ZBTB20: variants seen among roughly 807,000 people sequenced by gnomAD.
The protein encoded by ZBTB20 is zinc finger and BTB domain containing 20, also known as zinc finger and BTB domain-containing protein 20.
ZBTB20 carries 9 observed loss-of-function variants against 56.9 expected under a neutral mutation model. The ratio of observed to expected loss-of-function variants is 0.16; its 90% CI spans 0.10 to 0.28. The LOEUF (loss-of-function observed/expected upper bound fraction) is 0.28. ZBTB20 is among the 10% of genes least tolerant of loss of function. ZBTB20 has a pLI of 1.00. For synonymous variants in ZBTB20, 417 were observed against 420.7 expected, an observed-to-expected ratio of 0.99 and a Z score of 0.11; for missense variants, 655 against 1,003.0, an observed-to-expected ratio of 0.65 and a Z score of 4.69.
intron 6 of ZBTB20, among the ~76,000 whole-genome samples, chr3:114,583,840 T>C (rs2054903155): frequency 6.6e-6 from 1 of 152,262 alleles, no homozygotes; most frequent in Non-Finnish European, 1.5e-5. Flanking sequence ...AATGAGACTG[T>C]CTTTGTTTAA....
intron 2 of ZBTB20, among the ~76,000 whole-genome samples, chr3:115,040,689 A>C (rs2108388402): frequency 6.6e-6 from 1 of 152,244 alleles, no homozygotes; most frequent in Non-Finnish European, 1.5e-5. Flanking sequence ...GTTTGGGTTT[A>C]ATCTTGGGCA....
chr3:114,677,608 T>C (rs1035690357), intron 6 of ZBTB20, among the ~76,000 whole-genome samples: 5 of 152,134 alleles, frequency 3.3e-5, no homozygotes, highest in Non-Finnish European at 7.4e-5. Flanking sequence ...ATGAAACTGG[T>C]CCCTGGTGGC....
chr3:114,527,420 G>A (rs2047355793), intron 6 of ZBTB20: 1 of 152,158 alleles, frequency 6.6e-6, no homozygotes, highest in African/African-American at 2.4e-5. Context: ...TTGGTATCTA[G>A]GTTTGTAGAG....
At chr3:114,620,285 T>C (rs1418951516) in intron 6 of ZBTB20, among the ~76,000 whole-genome samples, 1 of 152,100 alleles carries the variant, frequency 6.6e-6, no homozygotes, top group Non-Finnish European at 1.5e-5. Flanking sequence ...TGGACATGTT[T>C]TTTTCTTTTC....
At chr3:114,560,000 T>C (rs1324973166) in intron 6 of ZBTB20, among the ~76,000 whole-genome samples, 1 of 152,112 alleles carries the variant, frequency 6.6e-6, no homozygotes, top group African/African-American at 2.4e-5. Context: ...ACAGACAATA[T>C]GAAAAAAATA....
intron 2 of ZBTB20, among the ~76,000 whole-genome samples, chr3:115,009,056 TTA>T (rs779365821): frequency 3.6e-4 from 54 of 151,918 alleles, no homozygotes; most frequent in Admixed American, 5.9e-4. Context: ...TTTTTATGAA[TTA>T]TGTTTTTAGA....
At chr3:115,078,531 GA>G (rs2082674672) in intron 1 of ZBTB20, among the ~76,000 whole-genome samples, 2 of 150,842 alleles carry the variant, frequency 1.3e-5, no homozygotes, top group South Asian at 4.2e-4. Context: ...TATTCTTAAT[GA>G]CCATTATGGC....
At chr3:114,423,620 A>T (rs2089382476) in intron 7 of ZBTB20, among the ~76,000 whole-genome samples, 1 of 152,226 alleles carries the variant, frequency 6.6e-6, no homozygotes, top group South Asian at 2.1e-4. Flanking sequence ...TTAAACATTT[A>T]AAAAGGGGGT....
At chr3:114,801,747 T>C (rs1247336234) in intron 4 of ZBTB20, among the ~76,000 whole-genome samples, 1 of 151,802 alleles carries the variant, frequency 6.6e-6, no homozygotes, top group African/African-American at 2.4e-5. Flanking sequence ...AAATGTACTG[T>C]ATTATGGGTT....
intron 4 of ZBTB20, among the ~76,000 whole-genome samples, chr3:114,836,220 C>A (rs1366297263): frequency 1.3e-5 from 2 of 152,160 alleles, no homozygotes; most frequent in Non-Finnish European, 2.9e-5. Flanking sequence ...ACTACACTGA[C>A]TTTTTCCTCA....
At chr3:114,755,597 T>TC (rs1560212764) in intron 5 of ZBTB20, among the ~76,000 whole-genome samples, 1 of 152,060 alleles carries the variant, frequency 6.6e-6, no homozygotes, top group Non-Finnish European at 1.5e-5. Context: ...TTTTTTAAAT[T>TC]CCCCCCTTAA....
intron 2 of ZBTB20, among the ~76,000 whole-genome samples, chr3:114,982,437 A>G (rs1161821332): frequency 2.0e-5 from 3 of 152,102 alleles, no homozygotes; most frequent in Non-Finnish European, 4.4e-5. Context: ...ACAGCAACCA[A>G]TTTGTAATGC....
intron 6 of ZBTB20, among the ~76,000 whole-genome samples, chr3:114,568,024 T>A (rs2052985233): frequency 6.6e-6 from 1 of 152,184 alleles, no homozygotes; most frequent in African/African-American, 2.4e-5. Context: ...TGCAGCAGTG[T>A]TAAAGGTGTC....
At chr3:115,134,001 G>T (rs1166431680) in intron 1 of ZBTB20, among the ~76,000 whole-genome samples, 1 of 152,100 alleles carries the variant, frequency 6.6e-6, no homozygotes, top group Non-Finnish European at 1.5e-5. Flanking sequence ...TTTATTTCGG[G>T]TTTTACTATA....
At chr3:114,963,421 G>A (rs961551004) in intron 3 of ZBTB20, among the ~76,000 whole-genome samples, 1 of 152,076 alleles carries the variant, frequency 6.6e-6, no homozygotes, top group African/African-American at 2.4e-5. Context: ...GCTGCTTCTG[G>A]AGAACAAAGC....
At chr3:114,505,995 T>A (rs116246571) in intron 6 of ZBTB20, among the ~76,000 whole-genome samples, 1,768 of 152,244 alleles carry the variant, frequency 0.012, 14 homozygotes, top group South Asian at 0.023. Context: ...GATGCAAGGG[T>A]ATTTATATGT....
intron 6 of ZBTB20, among the ~76,000 whole-genome samples, chr3:114,618,855 T>C (rs1348993891): frequency 1.3e-5 from 2 of 152,202 alleles, no homozygotes; most frequent in Admixed American, 6.5e-5. Context: ...CTGACATTTG[T>C]TATACAATTT....
intron 1 of ZBTB20, among the ~76,000 whole-genome samples, chr3:115,112,378 AC>A (rs1385495270): frequency 6.6e-6 from 1 of 151,788 alleles, no homozygotes; most frequent in Non-Finnish European, 1.5e-5. Flanking sequence ...AACTACAGTC[AC>A]CCTACTCTGC....
chr3:115,049,976 C>G (rs1236076399), intron 2 of ZBTB20, among the ~76,000 whole-genome samples: 1 of 151,736 alleles, frequency 6.6e-6, no homozygotes, highest in Non-Finnish European at 1.5e-5. Flanking sequence ...TTTCAAACAT[C>G]ATATAAAACA....
Sources: allele counts gnomAD v4.1 joint callset (sites outside exome capture counted in the v4.1 genomes callset), GRCh38; gene constraint gnomAD v4.1.1; transcripts MANE v1.5; gene names NCBI Gene and HGNC (gene_info 2026-07-23, HGNC 2026-07-21).